Variants in KLHL7 observed in about 807,000 individuals in gnomAD.
The protein encoded by KLHL7 is kelch-like protein 7.
In KLHL7, 44 loss-of-function variants were observed where a neutral mutation model predicts 67.4. That is an observed-to-expected ratio of 0.65 (90% CI 0.51 to 0.84). KLHL7 has a LOEUF of 0.84. Among genes scored for constraint, KLHL7 ranks in the 40% least tolerant of loss-of-function variants. The pLI is 0.00. For missense variants in KLHL7, 362 were observed against 718.1 expected, an observed-to-expected ratio of 0.50 and a Z score of 5.67; for synonymous variants, 252 against 243.3, an observed-to-expected ratio of 1.04 and a Z score of -0.33.
chr7:23,141,609 A>AATTCATTC (rs569612091), intron 5 of KLHL7, among the ~76,000 whole-genome samples: 2 of 152,106 alleles, frequency 1.3e-5, no homozygotes, highest in Non-Finnish European at 1.5e-5. Context: ...CACTTTATTT[A>AATTCATTC]ATTCATTCAT....
At chr7:23,112,327 A>T (rs1421133789) in intron 1 of KLHL7, among the ~76,000 whole-genome samples, 3 of 152,236 alleles carry the variant, frequency 2.0e-5, no homozygotes, top group African/African-American at 7.2e-5. Flanking sequence ...AGATGTGTTT[A>T]ATTTGTGATA....
rs143176136 is a variant in KLHL7 at position 23,140,920 on chromosome 7, T to A, written c.594T>A (p.Thr198=). The change falls in exon 5 of 11, where the codon ACT becomes ACA. Residue 198 remains threonine, a synonymous_variant. Coordinates refer to ENST00000339077, the MANE Select transcript of KLHL7 (RefSeq NM_001031710.3). ...TAACACATCTTCTCAACCAGGACAC[T>A]CTGACTGTGAGAGCAGAGGATCAGG... ...KRVTHLLNQD[T]LTVRAEDQVY... 1.7e-5 allele frequency: 28 copies of A among 1,613,902 alleles called. No individual in the cohort carries two copies. In the African/African-American group the frequency reaches 3.2e-4, roughly 18 times the overall value.
At position 23,123,089 on chromosome 7, in the gene KLHL7, A is replaced by G. The variant is rs146893004; in HGVS notation, c.121-688A>G. 3.0e-3 allele frequency among the ~76,000 whole-genome samples: 454 copies of G among 152,334 alleles called. 9 individuals carry two copies. Among genetic ancestry groups the G allele is most frequent in the Admixed American group, 0.02 (304 of 15,298 alleles). On this transcript the variant is annotated intron_variant, in intron 1 of 10. Transcript: ENST00000339077. The stretch of plus-strand genomic sequence containing the variant: ...TTCCGTTTTCCCCACATTTTAATTA[A>G]GTATTACTCAGAGCTGCCTTCTTTA...
At chr7:23,150,828 A>C (rs1199353933) in intron 6 of KLHL7, among the ~76,000 whole-genome samples, 3 of 152,136 alleles carry the variant, frequency 2.0e-5, no homozygotes, top group Admixed American at 6.5e-5. Context: ...AAAAAGTATG[A>C]TTTTAATTTG....
chr7:23,159,186 T>A (rs75359960), intron 7 of KLHL7, among the ~76,000 whole-genome samples: 1 of 152,188 alleles, frequency 6.6e-6, no homozygotes, highest in Non-Finnish European at 1.5e-5. Context: ...TGTTGTTTTG[T>A]TTTTAAAACA....
intron 10 of KLHL7, 91 bp downstream of exon 10, chr7:23,173,136 A>G (rs1480066059): frequency 2.4e-6 from 2 of 833,410 alleles, no homozygotes; most frequent in Non-Finnish European, 4.2e-6. Context: ...TCTAGATAGA[A>G]GCATTTACCA....
chr7:23,106,250 TTCTC>T, intron 1 of KLHL7, 104 bp downstream of exon 1: 1 of 1,546,624 alleles, frequency 6.5e-7, no homozygotes, highest in Non-Finnish European at 8.7e-7. Context: ...GCGCCCCTCT[TTCTC>T]TGTCCTCGCC....
intron 7 of KLHL7, among the ~76,000 whole-genome samples, chr7:23,154,866 A>G (rs533086922): frequency 5.3e-5 from 8 of 151,692 alleles, no homozygotes; most frequent in African/African-American, 2.0e-4. Flanking sequence ...GCCCTCTTGT[A>G]ACAAAGTTAC....
At chr7:23,137,895 G>C (rs1784037302) in intron 4 of KLHL7, among the ~76,000 whole-genome samples, 1 of 147,594 alleles carries the variant, frequency 6.8e-6, no homozygotes, top group African/African-American at 2.5e-5. Flanking sequence ...CATAAAACCT[G>C]GCCAGGCATG....
intron 7 of KLHL7, chr7:23,155,973 T>C: frequency 2.3e-6 from 1 of 433,126 alleles, no homozygotes; most frequent in Non-Finnish European, 4.7e-6. Context: ...CTTTCCTTGA[T>C]TTTTTTTTAT....
chr7:23,113,232 A>G (rs2128457011), intron 1 of KLHL7, among the ~76,000 whole-genome samples: 1 of 152,276 alleles, frequency 6.6e-6, no homozygotes, highest in East Asian at 1.9e-4. Flanking sequence ...TAGAAATGGT[A>G]TTATGGCTGT....
chr7:23,172,914 T>G, intron 9 of KLHL7, 34 bp from the exon 10 acceptor site: 1 of 1,487,164 alleles, frequency 6.7e-7, no homozygotes, highest in Non-Finnish European at 9.4e-7. Context: ...TTACTTCCTG[T>G]AAACAAGCAC....
At chr7:23,153,238 C>A (rs979558308) in intron 7 of KLHL7, among the ~76,000 whole-genome samples, 5 of 152,154 alleles carry the variant, frequency 3.3e-5, no homozygotes, top group African/African-American at 4.8e-5. Flanking sequence ...GGGGCTACAA[C>A]GCTTCTGCAG....
intron 9 of KLHL7, chr7:23,171,126 C>G (rs1583739015): frequency 3.2e-6 from 1 of 308,320 alleles, no homozygotes; most frequent in Middle Eastern, 4.0e-4. Context: ...AGGATGGCCT[C>G]CATCTCTTGA....
chr7:23,157,631 C>A (rs1254252909), intron 7 of KLHL7, among the ~76,000 whole-genome samples: 3 of 151,712 alleles, frequency 2.0e-5, no homozygotes, highest in Non-Finnish European at 2.9e-5. Context: ...TTTTCAAGTA[C>A]CTCCATAATA....
At chr7:23,147,126 G>A (rs1173635978) in intron 6 of KLHL7, among the ~76,000 whole-genome samples, 1 of 144,526 alleles carries the variant, frequency 6.9e-6, no homozygotes, top group African/African-American at 2.6e-5. Flanking sequence ...CAGTCTCGCT[G>A]GCTTCCAGGC....
chr7:23,120,309 C>A lies in KLHL7; in HGVS notation c.121-3468C>A, dbSNP rs146520506. 3.1e-3 allele frequency among the ~76,000 whole-genome samples: 465 copies of A among 152,316 alleles called. 11 individuals are homozygous for A. Among genetic ancestry groups the A allele is most frequent in the Admixed American group, 0.028 (422 of 15,302 alleles). ...TACAGGCATGAGTCACCACACCCAGCCCCATATACCTTGTTTCAAGACTGA... is the reference window on the plus strand; with the variant it reads ...TACAGGCATGAGTCACCACACCCAGACCCATATACCTTGTTTCAAGACTGA... On this transcript the variant is annotated intron_variant, in intron 1 of 10. Coordinates refer to ENST00000339077, the MANE Select transcript of KLHL7 (RefSeq NM_001031710.3).
At chr7:23,169,917 A>C (rs1785106055) in intron 9 of KLHL7, among the ~76,000 whole-genome samples, 1 of 152,168 alleles carries the variant, frequency 6.6e-6, no homozygotes, top group Non-Finnish European at 1.5e-5. Context: ...TCCTTTTAAA[A>C]ATGTTACCTA....
At chr7:23,118,093 T>TA in intron 1 of KLHL7, 1 of 1,104,790 alleles carries the variant, frequency 9.1e-7, no homozygotes, top group Non-Finnish European at 1.3e-6. Flanking sequence ...CTTTAGCACT[T>TA]ACATGGACCC....
Sources: gnomAD v4.1 joint callset for allele counts (sites outside exome capture counted in the v4.1 genomes callset) on GRCh38, gnomAD v4.1.1 for gene constraint, MANE v1.5 for transcripts, NCBI Gene and HGNC (gene_info 2026-07-23, HGNC 2026-07-21) for gene names.